Variants in DCTN6 observed in about 807,000 individuals in gnomAD.
The protein encoded by DCTN6 is dynactin 6.
Under a neutral mutation model 25.8 loss-of-function variants are expected in DCTN6, and 15 were observed. The observed-to-expected ratio is 0.58, with a 90% CI of 0.39 to 0.89. The LOEUF is 0.89. Among genes scored for constraint, DCTN6 ranks in the 40% least tolerant of loss-of-function variants. DCTN6 has a pLI of 0.00. For synonymous variants in DCTN6, 64 were observed against 78.3 expected (o/e 0.82, Z 0.96); for missense variants, 198 against 237.6 (o/e 0.83, Z 1.09).
At chr8:30,164,002 T>G (rs1021643378) in intron 1 of DCTN6, 109 bp from the exon 2 acceptor site, 1 of 1,029,258 alleles carries the variant, frequency 9.7e-7, no homozygotes, top group African/African-American at 1.6e-5. Context: ...GCGCCTGGCC[T>G]TTTTTTCCAT....
intron 2 of DCTN6, among the ~76,000 whole-genome samples, chr8:30,167,424 C>G (rs1447744932): frequency 2.0e-5 from 3 of 152,220 alleles, no homozygotes; most frequent in African/African-American, 7.2e-5. Flanking sequence ...TGGCTCACTA[C>G]AGTGTCGAAC....
intron 3 of DCTN6, 196 bp from the exon 4 acceptor site, chr8:30,176,930 G>A (rs1276975628): frequency 2.3e-6 from 1 of 443,702 alleles, no homozygotes. Context: ...ATCCAAGATG[G>A]TGCCACTGTA....
intron 2 of DCTN6, among the ~76,000 whole-genome samples, chr8:30,170,706 G>C (rs1347821094): frequency 6.6e-6 from 1 of 151,378 alleles, no homozygotes; most frequent in African/African-American, 2.4e-5. Flanking sequence ...CAGTGGCGCA[G>C]TCTCGGCTCA....
intron 1 of DCTN6, among the ~76,000 whole-genome samples, chr8:30,162,698 AG>A (rs2117577700): frequency 1.3e-5 from 2 of 152,336 alleles, no homozygotes; most frequent in African/African-American, 4.8e-5. Flanking sequence ...AATATAAAAA[AG>A]CATCAATAAG....
chr8:30,156,400 A>G lies in DCTN6; in HGVS notation c.17A>G (p.Gln6Arg). 1 of 1,605,808 alleles carries G rather than the reference A, an allele frequency of 6.2e-7. No individual in the cohort carries two copies. MAEKTQKSVKIAPGAV... is the reference protein window; with the variant it reads MAEKTRKSVKIAPGAV... The stretch of plus-strand genomic sequence containing the variant: ...GGCCGTACCATGGCGGAGAAGACTC[A>G]AAAGAGGTGGGTTTGCTGCTTGAGA... Residue 6 changes from glutamine to arginine, a missense_variant, in exon 1 of 7, where the codon CAA becomes CGA. Physicochemically the swap from Gln to Arg is conservative, Grantham distance 43. Transcript: ENST00000221114.
At chr8:30,177,079 T>C (rs1563231260) in intron 3 of DCTN6, 47 bp from the exon 4 acceptor site, 1 of 1,487,372 alleles carries the variant, frequency 6.7e-7, no homozygotes. Flanking sequence ...AGAAAATTGC[T>C]TATTGTGTTA....
intron 2 of DCTN6, among the ~76,000 whole-genome samples, chr8:30,170,597 A>G (rs1334633078): frequency 1.3e-5 from 2 of 152,100 alleles, no homozygotes; most frequent in East Asian, 1.9e-4. Context: ...CTCACATATT[A>G]TTTTTTAAAT....
At chr8:30,163,180 C>A (rs1803619199) in intron 1 of DCTN6, among the ~76,000 whole-genome samples, 1 of 152,058 alleles carries the variant, frequency 6.6e-6, no homozygotes, top group Non-Finnish European at 1.5e-5. Context: ...GCCTGTAATC[C>A]CAGCTACTAG....
rs1167133291 is a variant in DCTN6 at position 30,180,546 on chromosome 8, C to T, written c.390C>T (p.Asn130=). Residue 130 remains asparagine (N), a synonymous_variant, in exon 6 of 7, where the codon AAC becomes AAT. Transcript: ENST00000221114. ...GCTGCATCATTGGGGCTTGTTGCAA[C>T]CTAAATACATTTGAAGTCATCCCTG... ...TSGCIIGACC[N]LNTFEVIPEN... is the part of the protein sequence containing the mutation. 10 of 1,613,906 alleles carry T rather than the reference C, an allele frequency of 6.2e-6. No individual in the cohort carries two copies. The highest frequency in any genetic ancestry group is 1.7e-5 in the Admixed American group (1 of 59,978).
chr8:30,170,083 G>C (rs1481128530), intron 2 of DCTN6, among the ~76,000 whole-genome samples: 1 of 151,796 alleles, frequency 6.6e-6, no homozygotes, highest in African/African-American at 2.4e-5. Context: ...TGAGGCAGGA[G>C]AATTGCTTGA....
intron 2 of DCTN6, among the ~76,000 whole-genome samples, chr8:30,173,738 A>AC (rs1803793450): frequency 6.8e-6 from 1 of 146,936 alleles, no homozygotes; most frequent in Non-Finnish European, 1.5e-5. Context: ...TCTTAAAAAA[A>AC]AAAAAAAAAA....
chr8:30,172,916 T>C (rs1803782648), intron 2 of DCTN6, among the ~76,000 whole-genome samples: 1 of 152,216 alleles, frequency 6.6e-6, no homozygotes, highest in African/African-American at 2.4e-5. Flanking sequence ...TATTTTTTGT[T>C]TGTTTTAAAG....
chr8:30,175,225 A>T, intron 3 of DCTN6, 35 bp downstream of exon 3: 1 of 1,568,976 alleles, frequency 6.4e-7, no homozygotes, highest in South Asian at 1.1e-5. Flanking sequence ...ACCAAGTACC[A>T]TGGGTAACGG....
At chr8:30,173,098 A>G (rs1450703196) in intron 2 of DCTN6, among the ~76,000 whole-genome samples, 19 of 152,272 alleles carry the variant, frequency 1.2e-4, no homozygotes, top group Non-Finnish European at 1.0e-4. Flanking sequence ...TGACTGAGAG[A>G]TCAAGGCCAC....
intron 1 of DCTN6, among the ~76,000 whole-genome samples, 158 bp from the exon 2 acceptor site, chr8:30,163,953 C>T (rs557070338): frequency 6.6e-6 from 1 of 152,094 alleles, no homozygotes; most frequent in African/African-American, 2.4e-5. Flanking sequence ...CCCCCCACCT[C>T]GGCCTCCCAA....
chr8:30,168,029 A>G (rs1456840304), intron 2 of DCTN6, among the ~76,000 whole-genome samples: 2 of 152,256 alleles, frequency 1.3e-5, no homozygotes, highest in Non-Finnish European at 2.9e-5. Context: ...CTAGCGATTT[A>G]AAGTTTATCA....
rs1202014289 is a variant in DCTN6, at chr8:30,180,533, G to C, written c.377G>C (p.Gly126Ala). 6.2e-7 allele frequency: 1 copy of C among 1,613,832 alleles called. No homozygotes were observed. The highest frequency in any genetic ancestry group is 2.2e-5 in the East Asian group (1 of 44,878). The change falls in exon 6 of 7, where the codon GGG (glycine) becomes GCG (alanine). Residue 126 changes from glycine (G) to alanine (A), a missense_variant. Coordinates refer to ENST00000221114, the MANE Select transcript of DCTN6 (RefSeq NM_006571.4). ...NVILTSGCIIGACCNLNTFEV... is the reference protein window; with the variant it reads ...NVILTSGCIIAACCNLNTFEV... ...ATATTGACAAGTGGCTGCATCATTG[G>C]GGCTTGTTGCAACCTAAATACATTT...
At position 30,179,470 on chromosome 8, in the gene DCTN6, G is replaced by A. The variant is rs1443818502; in HGVS notation, c.331+15G>A. On this transcript the variant is annotated intron_variant, in intron 5 of 6. Transcript: ENST00000221114. ...TGAATCAAAAGGTAAGCTACATTCA[G>A]AGTTTCATTGTCAAAGCAGTGACCT... 6 of 1,606,924 alleles carry A rather than the reference G, an allele frequency of 3.7e-6. No homozygotes were observed. The highest frequency in any genetic ancestry group is 5.1e-6 in the Non-Finnish European group (6 of 1,175,742).
At chr8:30,157,586 A>C (rs952617923) in intron 1 of DCTN6, among the ~76,000 whole-genome samples, 1 of 152,224 alleles carries the variant, frequency 6.6e-6, no homozygotes, top group African/African-American at 2.4e-5. Context: ...ATAGTGTATA[A>C]GCTTAGAACT....
Sources: allele counts gnomAD v4.1 joint callset (sites outside exome capture counted in the v4.1 genomes callset), GRCh38; gene constraint gnomAD v4.1.1; transcripts MANE v1.5; gene names NCBI Gene and HGNC (gene_info 2026-07-23, HGNC 2026-07-21).